Variants in PREX2 observed in about 807,000 individuals in gnomAD.
PREX2 encodes the protein phosphatidylinositol-3,4,5-trisphosphate dependent Rac exchange factor 2, also known as phosphatidylinositol 3,4,5-trisphosphate-dependent Rac exchanger 2 protein.
A neutral mutation model predicts 203.2 loss-of-function variants in PREX2; 107 were observed. That is an observed-to-expected ratio of 0.53 (90% CI 0.45 to 0.62). The LOEUF is 0.62. Ranked by LOEUF, PREX2 falls within the 20% of genes least tolerant of loss-of-function variation. The pLI is 0.00. For missense variants in PREX2, 1,777 were observed against 1,955.9 expected, an observed-to-expected ratio of 0.91 and a Z score of 1.72; for synonymous variants, 672 against 663.6, an observed-to-expected ratio of 1.01 and a Z score of -0.19.
chr8:68,230,549 T>C (rs979617013), intron 39 of PREX2, among the ~76,000 whole-genome samples: 41 of 152,260 alleles, frequency 2.7e-4, no homozygotes, highest in African/African-American at 9.6e-4. Flanking sequence ...TTATGTTCCC[T>C]TTTACTTTGG....
At chr8:68,075,476 C>A (rs1809319008) in intron 14 of PREX2, among the ~76,000 whole-genome samples, 1 of 152,184 alleles carries the variant, frequency 6.6e-6, no homozygotes, top group Non-Finnish European at 1.5e-5. Context: ...TCATCACCCC[C>A]AGGAAGCCTC....
At position 68,055,885 on chromosome 8, in the gene PREX2, G is replaced by T; in HGVS notation, c.1149G>T (p.Glu383Asp). 6.2e-7 allele frequency: 1 copy of T among 1,613,572 alleles called. No individual in the cohort carries two copies. The highest frequency in any genetic ancestry group is 8.5e-7 in the Non-Finnish European group (1 of 1,179,600). The change falls in exon 10 of 40, where the codon GAG (glutamate) becomes GAT (aspartate). Residue 383 changes from glutamate (E) to aspartate (D), a missense_variant. Transcript: ENST00000288368. ...GGGTCATGATCTCTGAACAGGGTGA[G>T]AAACTTTATAAAATGATGTGCAGAC... ...DTWVMISEQG[E>D]KLYKMMCRQG...
chr8:68,043,756 A>G (rs866382205), intron 7 of PREX2, among the ~76,000 whole-genome samples: 1 of 152,074 alleles, frequency 6.6e-6, no homozygotes, highest in African/African-American at 2.4e-5. Flanking sequence ...TGTGTGCTTA[A>G]TGATTCAAAT....
At chr8:68,175,498 CAT>C (rs531511896) in intron 35 of PREX2, among the ~76,000 whole-genome samples, 124 of 152,218 alleles carry the variant, frequency 8.1e-4, no homozygotes, top group African/African-American at 2.9e-3. Flanking sequence ...GGTTAGGAAA[CAT>C]AAACTATTTC....
intron 16 of PREX2, 39 bp downstream of exon 16, chr8:68,080,624 T>C: frequency 6.6e-7 from 1 of 1,526,516 alleles, no homozygotes; most frequent in South Asian, 1.2e-5. Context: ...TTCTTCTTGA[T>C]TAGACACTAG....
At chr8:68,175,620 A>C (rs1811963255) in intron 35 of PREX2, among the ~76,000 whole-genome samples, 2 of 152,162 alleles carry the variant, frequency 1.3e-5, no homozygotes, top group Admixed American at 1.3e-4. Context: ...AAAACAAAAG[A>C]AAGTATTTCT....
intron 11 of PREX2, among the ~76,000 whole-genome samples, chr8:68,068,421 A>G (rs1022422165): frequency 1.3e-5 from 2 of 152,114 alleles, no homozygotes; most frequent in African/African-American, 2.4e-5. Context: ...ACTGACATGT[A>G]AAAAAGCAAT....
intron 37 of PREX2, among the ~76,000 whole-genome samples, chr8:68,213,246 G>A (rs1812774548): frequency 6.6e-6 from 1 of 152,170 alleles, no homozygotes; most frequent in African/African-American, 2.4e-5. Flanking sequence ...TACCCAACAT[G>A]ACAGAAGGAA....
intron 37 of PREX2, among the ~76,000 whole-genome samples, chr8:68,203,775 C>T (rs1013994857): frequency 1.3e-5 from 2 of 152,148 alleles, no homozygotes; most frequent in African/African-American, 4.8e-5. Context: ...GAAGGATCCA[C>T]TCAAAGGTGT....
At chr8:68,092,520 C>T (rs1809907925) in intron 20 of PREX2, among the ~76,000 whole-genome samples, 1 of 152,042 alleles carries the variant, frequency 6.6e-6, no homozygotes, top group African/African-American at 2.4e-5. Flanking sequence ...GTTTGGTAGT[C>T]ATCTCATCTC....
rs1340836450 is a variant in PREX2 at position 67,987,238 on chromosome 8, A to AT, written c.142-30601dup. ...GCTCCTTTTTCAAGTCATTGTTTTCATTTTTTTGGAGCTATATAAGGCCAG... is the reference window on the plus strand; with the variant it reads ...GCTCCTTTTTCAAGTCATTGTTTTCATTTTTTTTGGAGCTATATAAGGCCAG... On this transcript the variant is annotated intron_variant, in intron 1 of 39. Transcript: ENST00000288368. Among the ~76,000 whole-genome samples, 4 of 148,934 alleles carry AT rather than the reference A, an allele frequency of 2.7e-5. No homozygotes were observed. In the East Asian group the frequency reaches 7.9e-4, roughly 30 times the overall value.
At chr8:67,977,961 C>T (rs1348272949) in intron 1 of PREX2, among the ~76,000 whole-genome samples, 1 of 152,032 alleles carries the variant, frequency 6.6e-6, no homozygotes, top group Non-Finnish European at 1.5e-5. Flanking sequence ...TAGGTGTTTC[C>T]CTGAGTTCTG....
At chr8:68,148,699 T>C (rs1320340409) in intron 34 of PREX2, among the ~76,000 whole-genome samples, 2 of 152,212 alleles carry the variant, frequency 1.3e-5, no homozygotes, top group African/African-American at 4.8e-5. Flanking sequence ...TTTGGTATGC[T>C]CACAGCAGCA....
At chr8:68,158,073 GTA>G (rs1156704857) in intron 35 of PREX2, among the ~76,000 whole-genome samples, 2 of 133,670 alleles carry the variant, frequency 1.5e-5, no homozygotes, top group Non-Finnish European at 3.2e-5. Context: ...ATATATATAT[GTA>G]TATATATATT....
At chr8:68,025,761 G>A (rs1447309214) in intron 4 of PREX2, among the ~76,000 whole-genome samples, 1 of 151,974 alleles carries the variant, frequency 6.6e-6, no homozygotes, top group Non-Finnish European at 1.5e-5. Context: ...CACTGTGCCT[G>A]GTCAGGAAAC....
chr8:67,995,532 A>G (rs144527053), intron 1 of PREX2, among the ~76,000 whole-genome samples: 266 of 152,282 alleles, frequency 1.7e-3, no homozygotes, highest in African/African-American at 5.7e-3. Context: ...ATTTTGAAAA[A>G]ACTATATTTA....
At chr8:68,037,933 G>T (rs1808081675) in intron 6 of PREX2, among the ~76,000 whole-genome samples, 1 of 152,164 alleles carries the variant, frequency 6.6e-6, no homozygotes, top group African/African-American at 2.4e-5. Context: ...CCTGGAAGGA[G>T]ACACAGAATC....
intron 32 of PREX2, 110 bp downstream of exon 32, chr8:68,134,386 T>G: frequency 1.1e-5 from 9 of 842,808 alleles, no homozygotes; most frequent in Non-Finnish European, 1.5e-5. Context: ...TCTATGAATG[T>G]GCGTGCATTC....
Position 68,157,387 on chromosome 8 carries a change from A to G in PREX2, c.4297A>G (p.Ile1433Val), listed in dbSNP as rs762016096. Residue 1433 changes from isoleucine (I) to valine (V), a missense_variant, in exon 35 of 40, where the codon ATA (isoleucine) becomes GTA (valine). Ile to Val is a conservative substitution (Grantham distance 29). Coordinates refer to ENST00000288368, the MANE Select transcript of PREX2 (RefSeq NM_024870.4). The stretch of plus-strand genomic sequence containing the variant: ...TTCTGTGGAAGAATTTCAAGCTCAG[A>G]TAAATGCAGCCTCACTGGAAAAGGT... ...NVSVEEFQAQ[I>V]NAASLEKVKQ... The G allele has an allele frequency of 6.2e-7, 1 of 1,612,864 alleles. No homozygotes were observed. Among genetic ancestry groups the G allele is most frequent in the East Asian group, 2.2e-5 (1 of 44,766 alleles).
Sources: gnomAD v4.1 joint callset for allele counts (sites outside exome capture counted in the v4.1 genomes callset) on GRCh38, gnomAD v4.1.1 for gene constraint, MANE v1.5 for transcripts, NCBI Gene and HGNC (gene_info 2026-07-23, HGNC 2026-07-21) for gene names.